Variants in GATAD2A observed in about 807,000 individuals in gnomAD.
GATAD2A encodes the protein GATA zinc finger domain containing 2A, also known as transcriptional repressor p66-alpha.
In GATAD2A, 12 loss-of-function variants were observed where a neutral mutation model predicts 68.5. The observed-to-expected ratio is 0.18, with a 90% confidence interval of 0.11 to 0.28. The LOEUF (loss-of-function observed/expected upper bound fraction) is 0.28. Among genes scored for constraint, GATAD2A ranks in the 10% least tolerant of loss-of-function variants. The probability of loss-of-function intolerance (pLI) is 1.00; values close to 1 mark genes in which losing one functional copy is unlikely to be tolerated. For missense variants in GATAD2A, 755 were observed against 868.5 expected (o/e 0.87, Z 1.64); for synonymous variants, 410 against 375.3 (o/e 1.09, Z -1.07).
At position 19,505,675 on chromosome 19, in the gene GATAD2A, T is replaced by C. The variant is rs1371455117; in HGVS notation, c.*201T>C. ...GGGCTAGGGGGCTGGTGCCGCCTCA[T>C]AGGCAGACGAGGATCATCGCTGGGG... On this transcript the variant is annotated 3_prime_UTR_variant, in exon 12 of 12. Transcript: ENST00000683918. The C allele has an allele frequency of 1.0e-5, 5 of 498,492 alleles. No individual in the cohort carries two copies. The highest frequency in any genetic ancestry group is 1.7e-5 in the Non-Finnish European group (5 of 287,484). 30.9% of individuals were successfully genotyped at this position (498,492 alleles called of 1,614,324 possible).
chr19:19,499,426 G>A (rs762943905), intron 8 of GATAD2A, among the ~76,000 whole-genome samples: 2 of 152,144 alleles, frequency 1.3e-5, no homozygotes, highest in Non-Finnish European at 2.9e-5. Flanking sequence ...AGAGGAGTCG[G>A]CAGGACTGTG....
intron 4 of GATAD2A, 124 bp downstream of exon 4, chr19:19,492,836 C>G (rs1366836637): frequency 1.5e-5 from 13 of 856,316 alleles, no homozygotes; most frequent in Non-Finnish European, 2.3e-5. Flanking sequence ...GGGCAAGGTC[C>G]CACTCCCGCA....
chr19:19,450,676 G>T (rs1444351596), intron 1 of GATAD2A, among the ~76,000 whole-genome samples: 1 of 147,074 alleles, frequency 6.8e-6, no homozygotes, highest in African/African-American at 2.5e-5. Flanking sequence ...TCTTCATCGT[G>T]TTCAGGTGAA....
intron 2 of GATAD2A, among the ~76,000 whole-genome samples, chr19:19,477,342 G>A (rs550272039): frequency 9.2e-4 from 140 of 152,252 alleles, no homozygotes; most frequent in Non-Finnish European, 1.4e-3. Flanking sequence ...TAGTTGTGAC[G>A]TCATCAAATT....
chr19:19,465,305 C>A, intron 1 of GATAD2A, 35 bp from the exon 2 acceptor site: 1 of 1,531,134 alleles, frequency 6.5e-7, no homozygotes, highest in Non-Finnish European at 9.0e-7. Context: ...TCATTGCACC[C>A]AGTTAAAATG....
chr19:19,487,626 T>C (rs1282829971), intron 2 of GATAD2A, among the ~76,000 whole-genome samples: 1 of 152,092 alleles, frequency 6.6e-6, no homozygotes, highest in Non-Finnish European at 1.5e-5. Context: ...AGTTCTGCCA[T>C]GACCTTCACC....
upstream of GATAD2A, among the ~76,000 whole-genome samples, chr19:19,404,762 T>C (rs1404414232): frequency 3.3e-5 from 5 of 152,194 alleles, no homozygotes; most frequent in Admixed American, 6.5e-5. Context: ...GTTGTACATA[T>C]AGATTTATTA....
chr19:19,479,737 G>C (rs2058923016), intron 2 of GATAD2A, among the ~76,000 whole-genome samples: 1 of 151,458 alleles, frequency 6.6e-6, no homozygotes, highest in Admixed American at 6.6e-5. Flanking sequence ...CATTTGTCAG[G>C]TTTTTCTACT....
intron 2 of GATAD2A, among the ~76,000 whole-genome samples, chr19:19,486,432 G>A (rs186085396): frequency 2.5e-4 from 38 of 152,298 alleles, no homozygotes; most frequent in Admixed American, 7.8e-4. Flanking sequence ...CATCCATCTT[G>A]CCTCTGGAGG....
rs957773561 is a variant in GATAD2A at position 19,506,120 on chromosome 19, G to A, written c.*646G>A. ...TGGTGCCACAGCCCCTGGCAGGGACGGCCGGCCCGCCCCCGTGACTGACTG... is the reference window on the plus strand; with the variant it reads ...TGGTGCCACAGCCCCTGGCAGGGACAGCCGGCCCGCCCCCGTGACTGACTG... On this transcript the variant is annotated 3_prime_UTR_variant, in exon 12 of 12. Transcript: ENST00000683918. The A allele has an allele frequency of 1.8e-5, 7 of 398,880 alleles. No homozygotes were observed. Among genetic ancestry groups the A allele is most frequent in the South Asian group, 2.5e-4 (2 of 7,868 alleles). 24.7% of individuals were successfully genotyped at this position (398,880 alleles called of 1,614,324 possible).
Position 19,498,680 on chromosome 19 carries a change from G to A in GATAD2A, c.1162G>A (p.Val388Ile). The A allele has an allele frequency of 6.2e-7, 1 of 1,613,812 alleles. No individual in the cohort carries two copies. Among genetic ancestry groups the A allele is most frequent in the Non-Finnish European group, 8.5e-7 (1 of 1,179,964 alleles). ...CGCCAACAACGAGTTCATCTACCTG[G>A]TCGGCCTGGAGGAGGTGGTGCAGAA... is the stretch of plus-strand genomic sequence containing the variant. ...SAANNEFIYL[V>I]GLEEVVQNLL... is the part of the protein sequence containing the mutation. The change falls in exon 8 of 12, where the codon GTC becomes ATC. Residue 388 changes from valine to isoleucine, a missense_variant. Transcript: ENST00000683918.
intron 1 of GATAD2A, among the ~76,000 whole-genome samples, chr19:19,396,728 T>G (rs2049271113): frequency 6.6e-6 from 1 of 152,078 alleles, no homozygotes; most frequent in African/African-American, 2.4e-5. Flanking sequence ...TTCTTTTTTT[T>G]GAGACAGTCT....
chr19:19,427,093 C>A (rs1210693772), intron 1 of GATAD2A, among the ~76,000 whole-genome samples: 1 of 149,232 alleles, frequency 6.7e-6, no homozygotes, highest in South Asian at 2.1e-4. Context: ...CTCTCAAATT[C>A]TTAAAGACAG....
chr19:19,398,657 G>C (rs930799146), intron 1 of GATAD2A, among the ~76,000 whole-genome samples: 1 of 152,002 alleles, frequency 6.6e-6, no homozygotes, highest in African/African-American at 2.4e-5. Context: ...CTTACTTTCG[G>C]CTGGGTGTGG....
At chr19:19,460,200 C>G (rs1332873669) in intron 1 of GATAD2A, among the ~76,000 whole-genome samples, 1 of 152,202 alleles carries the variant, frequency 6.6e-6, no homozygotes, top group Non-Finnish European at 1.5e-5. Context: ...GGGTACAGAT[C>G]CAGGATGTGG....
chr19:19,473,458 A>T (rs554391818), intron 2 of GATAD2A, among the ~76,000 whole-genome samples: 14 of 152,292 alleles, frequency 9.2e-5, no homozygotes, highest in African/African-American at 3.1e-4. Flanking sequence ...AATTGGTGAC[A>T]CTGGTGTCCT....
At chr19:19,453,225 C>T (rs972047971) in intron 1 of GATAD2A, among the ~76,000 whole-genome samples, 6 of 152,160 alleles carry the variant, frequency 3.9e-5, no homozygotes, top group Non-Finnish European at 7.3e-5. Context: ...GTGTGATTCT[C>T]GGGCACCTGT....
chr19:19,492,038 C>T (rs982754378), intron 2 of GATAD2A, among the ~76,000 whole-genome samples: 11 of 152,234 alleles, frequency 7.2e-5, no homozygotes, highest in African/African-American at 2.7e-4. Context: ...CAGGGGCATA[C>T]GCACCCTCAG....
Position 19,505,381 on chromosome 19 carries a change from G to A in GATAD2A, c.1812G>A (p.Val604=), listed in dbSNP as rs750484215. ...CGTTTGTCAGCCCAAGCCTGGCGGTGCACAAGAGCTCCTCGGCCGTGGACC... is the reference window on the plus strand; with the variant it reads ...CGTTTGTCAGCCCAAGCCTGGCGGTACACAAGAGCTCCTCGGCCGTGGACC... ...TLAFVSPSLA[V]HKSSSAVDRQ... Residue 604 remains valine (V), a synonymous_variant, in exon 12 of 12, where the codon GTG becomes GTA. Transcript: ENST00000683918. 1.9e-6 allele frequency: 3 copies of A among 1,612,936 alleles called. No homozygotes were observed. Among genetic ancestry groups the A allele is most frequent in the Non-Finnish European group, 2.5e-6 (3 of 1,179,560 alleles).
Sources: gnomAD v4.1 joint callset for allele counts (sites outside exome capture counted in the v4.1 genomes callset) on GRCh38, gnomAD v4.1.1 for gene constraint, MANE v1.5 for transcripts, NCBI Gene and HGNC (gene_info 2026-07-23, HGNC 2026-07-21) for gene names.